NUP62CL: variants seen among roughly 807,000 people sequenced by gnomAD.
NUP62CL encodes the protein nucleoporin 62 C-terminal like.
Under a neutral mutation model 15.3 loss-of-function variants are expected in NUP62CL, and 13 were observed. The ratio of observed to expected loss-of-function variants is 0.85; its 90% CI spans 0.55 to 1.35. The LOEUF (loss-of-function observed/expected upper bound fraction) is 1.35, where lower values mean the gene tolerates loss of function less well. Among genes scored for constraint, NUP62CL ranks in the 40% most tolerant of loss-of-function variants. The pLI is 0.00. For missense variants in NUP62CL, 123 were observed against 130.6 expected (o/e 0.94, Z 0.28); for synonymous variants, 54 against 49.2 (o/e 1.10, Z -0.41).
At chrX:107,167,551 G>C in intron 4 of NUP62CL, 98 bp downstream of exon 4, 1 of 607,178 alleles carries the variant, frequency 1.6e-6, no homozygotes, top group Non-Finnish European at 2.5e-6. Flanking sequence ...CAGTCATTTA[G>C]CTAACTTTCA....
chrX:107,176,013 C>A (rs1926773425), intron 2 of NUP62CL, among the ~76,000 whole-genome samples: 1 of 111,381 alleles, frequency 9.0e-6, no homozygotes, highest in Non-Finnish European at 1.9e-5. Context: ...AAGGTCCACA[C>A]CTGAAGAGGT....
intron 3 of NUP62CL, among the ~76,000 whole-genome samples, chrX:107,174,477 C>A (rs1926739070): frequency 9.0e-6 from 1 of 111,100 alleles, no homozygotes; most frequent in Non-Finnish European, 1.9e-5. Context: ...TCAACATTTG[C>A]TATTACTATA....
chrX:107,157,298 G>A (rs1334557383), intron 4 of NUP62CL, among the ~76,000 whole-genome samples: 17 of 105,518 alleles, frequency 1.6e-4, no homozygotes, highest in Admixed American at 7.2e-4. Flanking sequence ...ATACTCCTCG[G>A]GAAGAGCAAC....
At chrX:107,158,585 A>G (rs1471327439) in intron 4 of NUP62CL, among the ~76,000 whole-genome samples, 1 of 68,312 alleles carries the variant, frequency 1.5e-5, no homozygotes, top group Admixed American at 1.7e-4. Flanking sequence ...AACCAACGAG[A>G]ACAAAGACAC....
intron 8 of NUP62CL, among the ~76,000 whole-genome samples, chrX:107,126,736 T>G (rs1011318174): frequency 8.9e-6 from 1 of 112,410 alleles, no homozygotes; most frequent in African/African-American, 3.2e-5. Context: ...AAACTATATT[T>G]TAAAAAACAA....
At chrX:107,141,499 G>A (rs183733869) in intron 8 of NUP62CL, among the ~76,000 whole-genome samples, 67 of 111,906 alleles carry the variant, frequency 6.0e-4, no homozygotes, top group East Asian at 2.5e-3. Flanking sequence ...GGCAGAACAA[G>A]GGCATTCACT....
chrX:107,153,302 C>T lies in NUP62CL; in HGVS notation c.400G>A (p.Glu134Lys). The change falls in exon 7 of 9, where the codon GAA becomes AAA. Residue 134 changes from glutamate (E) to lysine (K), a missense_variant. Glu to Lys is a moderately conservative substitution (Grantham distance 56, BLOSUM62 1). Coordinates refer to ENST00000372466, the MANE Select transcript of NUP62CL (RefSeq NM_017681.3). ...GACAGGATAAAATCCAATTCTTGTT[C>T]CAATCTGAATAAAATAAGTTAATAA... ...NKVKLDQKRL[E>K]QELDFILSQQ... is the part of the protein sequence containing the mutation. The T allele has an allele frequency of 8.3e-7, 1 of 1,204,184 alleles. No individual in the cohort carries two copies. Among genetic ancestry groups the T allele is most frequent in the Non-Finnish European group, 1.1e-6 (1 of 891,647 alleles).
chrX:107,143,709 A>G lies in NUP62CL; in HGVS notation c.*42+4034T>C, dbSNP rs188782609. Among the ~76,000 whole-genome samples, 25 of 112,230 alleles carry G rather than the reference A, an allele frequency of 2.2e-4. 1 individual carries two copies. The highest frequency in any genetic ancestry group is 1.9e-3 in the Admixed American group (20 of 10,540). ...GAAGATTTCTCTTTAGTAAAAAACT[A>G]TAATATTTGTATTGTTAAAATAACA... On this transcript the variant is annotated intron_variant, in intron 8 of 8. Coordinates refer to ENST00000372466, the MANE Select transcript of NUP62CL (RefSeq NM_017681.3).
At chrX:107,163,766 G>A in intron 4 of NUP62CL, among the ~76,000 whole-genome samples, 1 of 111,611 alleles carries the variant, frequency 9.0e-6, no homozygotes, top group East Asian at 2.8e-4. Flanking sequence ...ACCAAAGAGA[G>A]ACATTACAGA....
chrX:107,200,123 G>T (rs1191186819), intron 1 of NUP62CL, among the ~76,000 whole-genome samples: 1 of 111,624 alleles, frequency 9.0e-6, no homozygotes, highest in Non-Finnish European at 1.9e-5. Flanking sequence ...TGAAAATGGT[G>T]CATTGGTTTC....
chrX:107,151,759 G>T (rs1303341882), intron 7 of NUP62CL, among the ~76,000 whole-genome samples: 1 of 108,265 alleles, frequency 9.2e-6, no homozygotes, highest in Non-Finnish European at 1.9e-5. Flanking sequence ...GGCCGGGCGC[G>T]GTGGCTCATG....
chrX:107,138,930 C>A (rs1309903414), intron 8 of NUP62CL, among the ~76,000 whole-genome samples: 1 of 111,863 alleles, frequency 8.9e-6, no homozygotes, highest in Non-Finnish European at 1.9e-5. Flanking sequence ...ATGGTTAAAC[C>A]AACTGCGGTA....
chrX:107,191,565 G>A (rs1413580913), intron 2 of NUP62CL, among the ~76,000 whole-genome samples: 1 of 109,906 alleles, frequency 9.1e-6, no homozygotes, highest in East Asian at 2.9e-4. Context: ...AAAATTAGCC[G>A]GGCACAGTAG....
chrX:107,168,326 C>T (rs760884073), intron 3 of NUP62CL, among the ~76,000 whole-genome samples: 1 of 110,805 alleles, frequency 9.0e-6, no homozygotes, highest in South Asian at 3.8e-4. Context: ...GGAAAGAGTG[C>T]CTATTTCTTT....
chrX:107,138,060 T>A (rs996147672), intron 8 of NUP62CL, among the ~76,000 whole-genome samples: 1 of 111,336 alleles, frequency 9.0e-6, no homozygotes, highest in African/African-American at 3.3e-5. Context: ...ACAAAAGCAA[T>A]TTAATTGAGG....
At chrX:107,140,341 T>C (rs1925738547) in intron 8 of NUP62CL, among the ~76,000 whole-genome samples, 1 of 111,567 alleles carries the variant, frequency 9.0e-6, no homozygotes, top group African/African-American at 3.3e-5. Context: ...ACCATACCCC[T>C]ACCCCCTCAC....
chrX:107,180,458 G>A (rs1249089922), intron 2 of NUP62CL, among the ~76,000 whole-genome samples: 1 of 111,654 alleles, frequency 9.0e-6, no homozygotes. Context: ...GGAATACTAC[G>A]ATCCTATAAA....
At chrX:107,178,088 T>G (rs1926826679) in intron 2 of NUP62CL, among the ~76,000 whole-genome samples, 1 of 111,713 alleles carries the variant, frequency 9.0e-6, no homozygotes, top group Non-Finnish European at 1.9e-5. Flanking sequence ...AAGAAGCTAG[T>G]CACAAAAGAC....
intron 2 of NUP62CL, among the ~76,000 whole-genome samples, chrX:107,188,447 G>A (rs1486286661): frequency 1.1e-5 from 1 of 94,613 alleles, no homozygotes; most frequent in Non-Finnish European, 2.1e-5. Flanking sequence ...CCCCAGCCCC[G>A]CCAAAAAAAA....
Sources: allele counts gnomAD v4.1 joint callset (sites outside exome capture counted in the v4.1 genomes callset), GRCh38; gene constraint gnomAD v4.1.1; transcripts MANE v1.5; gene names NCBI Gene and HGNC (gene_info 2026-07-23, HGNC 2026-07-21).